Variants in TAOK1 observed in about 807,000 individuals in gnomAD.
The protein encoded by TAOK1 is serine/threonine-protein kinase TAO1.
Under a neutral mutation model 138.3 loss-of-function variants are expected in TAOK1, and 21 were observed. The observed-to-expected ratio is 0.15, with a 90% CI of 0.11 to 0.22. The LOEUF (loss-of-function observed/expected upper bound fraction) is 0.22, where lower values mean the gene tolerates loss of function less well. TAOK1 is among the 10% of genes least tolerant of loss of function. TAOK1 has a pLI of 1.00. For missense variants in TAOK1, 651 were observed against 1,227.7 expected, an observed-to-expected ratio of 0.53 and a Z score of 7.02; for synonymous variants, 361 against 398.4, an observed-to-expected ratio of 0.91 and a Z score of 1.12.
intron 1 of TAOK1, among the ~76,000 whole-genome samples, chr17:29,423,766 G>T (rs372631979): frequency 0.011 from 2 of 188 alleles, no homozygotes; most frequent in Admixed American, 0.038. Flanking sequence ...CTTGTTTCAG[G>T]CTGGGGCGTG....
At chr17:29,401,579 C>A (rs906377633) in intron 1 of TAOK1, among the ~76,000 whole-genome samples, 5 of 152,176 alleles carry the variant, frequency 3.3e-5, no homozygotes, top group African/African-American at 9.7e-5. Context: ...CACCAGGTCC[C>A]TCCCCCAACT....
At chr17:29,420,708 C>A (rs139310379) in intron 1 of TAOK1, among the ~76,000 whole-genome samples, 2 of 151,552 alleles carry the variant, frequency 1.3e-5, no homozygotes, top group Non-Finnish European at 1.5e-5. Flanking sequence ...GCTTCAGCCT[C>A]CCGAGTAGCT....
intron 1 of TAOK1, among the ~76,000 whole-genome samples, chr17:29,426,561 A>C (rs1431703128): frequency 6.6e-6 from 1 of 152,184 alleles, no homozygotes; most frequent in Non-Finnish European, 1.5e-5. Flanking sequence ...GCTCTAAGCC[A>C]GGGGCATCTG....
At position 29,551,379 on chromosome 17, in the gene TAOK1, G is replaced by A. The variant is rs2032490997; in HGVS notation, c.*8357G>A. On this transcript the variant is annotated 3_prime_UTR_variant, in exon 20 of 20. Transcript: ENST00000261716. ...TCTTCTCATCTCCCAAACCCCCTGA[G>A]CCCGTAGGGTTTTCATAGTGGACAA... 6.6e-6 allele frequency: 1 copy of A among 152,186 alleles called. No homozygotes were observed. Among genetic ancestry groups the A allele is most frequent in the Non-Finnish European group, 1.5e-5 (1 of 68,034 alleles). 9.4% of individuals were successfully genotyped at this position (152,186 alleles called of 1,614,324 possible).
chr17:29,507,438 T>C (rs1598513420), intron 13 of TAOK1, among the ~76,000 whole-genome samples: 1 of 152,122 alleles, frequency 6.6e-6, no homozygotes, highest in Non-Finnish European at 1.5e-5. Flanking sequence ...ATAAGTGATA[T>C]AGGGAGTCAA....
At chr17:29,408,782 C>T (rs556907582) in intron 1 of TAOK1, among the ~76,000 whole-genome samples, 3 of 151,666 alleles carry the variant, frequency 2.0e-5, no homozygotes, top group South Asian at 2.1e-4. Context: ...GCACAGTCTT[C>T]GCTCACTGCA....
chr17:29,513,052 T>TCC (rs1950637115), intron 15 of TAOK1: 11 of 76,370 alleles, frequency 1.4e-4, no homozygotes, highest in African/African-American at 3.9e-4. Context: ...TCTTTTAATT[T>TCC]ACCCACCCCC....
At chr17:29,511,073 G>A (rs1005471479) in intron 15 of TAOK1, 81 bp downstream of exon 15, 12 of 1,336,666 alleles carry the variant, frequency 9.0e-6, no homozygotes, top group African/African-American at 7.4e-5. Context: ...AGAAGCATTA[G>A]GATAAAATTA....
chr17:29,394,163 T>G lies in TAOK1; in HGVS notation c.-95+3139T>G, dbSNP rs1373599500. On this transcript the variant is annotated intron_variant, in intron 1 of 19. Transcript: ENST00000261716. The stretch of plus-strand genomic sequence containing the variant: ...AATAATTTGCCAGTTTTTTTTTTTT[T>G]TTTTTTTTTTTTTTTTTTTTGAGAC... Among the ~76,000 whole-genome samples the G allele has an allele frequency of 2.1e-3, 253 of 121,134 alleles. 1 individual carries two copies. The highest frequency in any genetic ancestry group is 7.6e-3 in the African/African-American group (239 of 31,416). The allele number at this position is 121,134 out of a possible 152,430, so 79.5% of individuals were successfully genotyped here. A position where few individuals can be genotyped will look rare whatever the true frequency, so the allele number is the denominator to read the frequency against.
rs1448277410 is a variant in TAOK1, at chr17:29,549,558, C to T, written c.*6536C>T. ...CTGAGCCCCAAATACATTGCCTGGGCATGAACATTGTTACCGTAAATTGCA... is the reference window on the plus strand; with the variant it reads ...CTGAGCCCCAAATACATTGCCTGGGTATGAACATTGTTACCGTAAATTGCA... On this transcript the variant is annotated 3_prime_UTR_variant, in exon 20 of 20. Coordinates refer to ENST00000261716, the MANE Select transcript of TAOK1 (RefSeq NM_020791.4). 2.6e-5 allele frequency: 4 copies of T among 152,168 alleles called. No homozygotes were observed. The highest frequency in any genetic ancestry group is 9.7e-5 in the African/African-American group (4 of 41,432). 9.4% of individuals were successfully genotyped at this position (152,168 alleles called of 1,614,324 possible).
At chr17:29,433,992 T>G (rs1905941737) in intron 1 of TAOK1, among the ~76,000 whole-genome samples, 1 of 152,096 alleles carries the variant, frequency 6.6e-6, no homozygotes, top group African/African-American at 2.4e-5. Context: ...GCATGACCAT[T>G]TGGAGTTTGA....
intron 17 of TAOK1, among the ~76,000 whole-genome samples, chr17:29,523,315 T>A (rs1414205805): frequency 1.3e-5 from 2 of 152,102 alleles, no homozygotes; most frequent in African/African-American, 4.8e-5. Context: ...TTCTTCTCTG[T>A]GCTTGTTCCT....
intron 2 of TAOK1, among the ~76,000 whole-genome samples, chr17:29,453,158 CT>C (rs1273106911): frequency 0.015 from 2,020 of 133,266 alleles, 36 homozygotes; most frequent in Admixed American, 0.054. Flanking sequence ...TTCTGGCTTA[CT>C]TTTTTTTTTT....
intron 16 of TAOK1, among the ~76,000 whole-genome samples, chr17:29,521,546 C>T (rs537930206): frequency 1.3e-5 from 2 of 152,134 alleles, no homozygotes; most frequent in South Asian, 4.1e-4. Flanking sequence ...GTAGCAGAGC[C>T]AGAATTTAGA....
rs1196462596 is a variant in TAOK1, at chr17:29,523,390, T to C, written c.2148+871T>C. Among the ~76,000 whole-genome samples, 4 of 152,222 alleles carry C rather than the reference T, an allele frequency of 2.6e-5. No individual in the cohort carries two copies. The South Asian group carries it at 8.3e-4, about 32-fold the overall frequency. ...CAGTTAACAATTCTGAAGTTTTTGT[T>C]TGTTTGTTTGTTTTTGAGACAGAGT... is the stretch of plus-strand genomic sequence containing the variant. On this transcript the variant is annotated intron_variant, in intron 17 of 19. Coordinates refer to ENST00000261716, the MANE Select transcript of TAOK1 (RefSeq NM_020791.4).
chr17:29,423,392 A>AT lies in TAOK1; in HGVS notation c.-94-28057dup, dbSNP rs1453422268. 4.0e-5 allele frequency among the ~76,000 whole-genome samples: 6 copies of AT among 150,404 alleles called. No homozygotes were observed. In the East Asian group the frequency reaches 1.2e-3, roughly 30 times the overall value. On this transcript the variant is annotated intron_variant, in intron 1 of 19. Transcript: ENST00000261716. Reference sequence around the variant, plus strand: ...CACCACGCCCGGCTAATTTTTTTCTATTTTTTAGTAGAGACGGGGTTTCAC... The same window carrying AT: ...CACCACGCCCGGCTAATTTTTTTCTATTTTTTTAGTAGAGACGGGGTTTCAC...
chr17:29,395,112 T>C (rs937666692), intron 1 of TAOK1, among the ~76,000 whole-genome samples: 4 of 150,682 alleles, frequency 2.7e-5, no homozygotes, highest in African/African-American at 9.8e-5. Context: ...TGGGGCGTGA[T>C]GGTGCGTGCT....
chr17:29,505,778 A>G (rs1030350292), intron 13 of TAOK1, among the ~76,000 whole-genome samples: 1 of 152,112 alleles, frequency 6.6e-6, no homozygotes, highest in Admixed American at 6.6e-5. Context: ...TACTAAAAAT[A>G]CAAAAAATTA....
intron 1 of TAOK1, among the ~76,000 whole-genome samples, chr17:29,424,227 G>A (rs939534254): frequency 3.3e-5 from 5 of 151,838 alleles, no homozygotes; most frequent in African/African-American, 1.2e-4. Flanking sequence ...ACAAGGGCAG[G>A]AGATCGAGAC....
Sources: gnomAD v4.1 joint callset for allele counts (sites outside exome capture counted in the v4.1 genomes callset) on GRCh38, gnomAD v4.1.1 for gene constraint, MANE v1.5 for transcripts, NCBI Gene and HGNC (gene_info 2026-07-23, HGNC 2026-07-21) for gene names.